MYBPC1: variants seen among roughly 807,000 people sequenced by gnomAD.
The protein encoded by MYBPC1 is myosin-binding protein C, slow-type.
MYBPC1 carries 52 observed loss-of-function variants against 147.1 expected under a neutral mutation model. The observed-to-expected ratio is 0.35, with a 90% confidence interval of 0.28 to 0.45. MYBPC1 has a LOEUF of 0.45. Ranked by LOEUF, MYBPC1 falls within the 20% of genes least tolerant of loss-of-function variation. MYBPC1 has a pLI of 1.00. For synonymous variants in MYBPC1, 477 were observed against 475.9 expected (o/e 1.00, Z -0.03); for missense variants, 1,228 against 1,440.3 (o/e 0.85, Z 2.39).
At chr12:101,611,214 T>C (rs1295557464) in intron 1 of MYBPC1, among the ~76,000 whole-genome samples, 1 of 152,244 alleles carries the variant, frequency 6.6e-6, no homozygotes, top group Admixed American at 6.5e-5. Flanking sequence ...TATCCTATAA[T>C]GTTTCTGCCA....
intron 9 of MYBPC1, among the ~76,000 whole-genome samples, chr12:101,634,966 C>T (rs529309479): frequency 7.9e-4 from 121 of 152,270 alleles, no homozygotes; most frequent in Non-Finnish European, 1.3e-3. Flanking sequence ...GGTTAAGTCA[C>T]GGCAGAAAAC....
chr12:101,661,961 G>A (rs575882928), intron 20 of MYBPC1, among the ~76,000 whole-genome samples: 3 of 150,380 alleles, frequency 2.0e-5, no homozygotes, highest in South Asian at 2.1e-4. Context: ...CTTCCCCTAT[G>A]CCATGAGAAT....
chr12:101,598,235 G>C (rs534586400), intron 1 of MYBPC1, among the ~76,000 whole-genome samples: 14 of 152,174 alleles, frequency 9.2e-5, no homozygotes, highest in African/African-American at 3.4e-4. Context: ...GGCCAGGCTG[G>C]TCTCGAACCG....
the MYBPC1 span, among the ~76,000 whole-genome samples, chr12:101,693,033 G>A: frequency 1.4e-5 from 2 of 142,528 alleles, no homozygotes; most frequent in Non-Finnish European, 3.0e-5. Flanking sequence ...TGCCACCTCC[G>A]CCTCCCAGGT....
chr12:101,661,136 T>A (rs762474123), intron 19 of MYBPC1, 22 bp from the exon 20 acceptor site: 1 of 1,539,918 alleles, frequency 6.5e-7, no homozygotes, highest in South Asian at 1.1e-5. Flanking sequence ...TTTTACTTTA[T>A]CCTATTTTTT....
At position 101,661,276 on chromosome 12, in the gene MYBPC1, G is replaced by A. The variant is rs758499697; in HGVS notation, c.2032+14G>A. 2 of 1,563,074 alleles carry A rather than the reference G, an allele frequency of 1.3e-6. No individual in the cohort carries two copies. Among genetic ancestry groups the A allele is most frequent in the Admixed American group, 1.7e-5 (1 of 59,718 alleles). On this transcript the variant is annotated intron_variant, in intron 20 of 31. Coordinates refer to ENST00000361466, the MANE Select transcript of MYBPC1 (RefSeq NM_002465.4). Reference sequence around the variant, plus strand: ...CTCCAATCCTAGGTAACTGCATGTTGGTTAGTCTGTGTAACTGCCAGTACA... The same window carrying A: ...CTCCAATCCTAGGTAACTGCATGTTAGTTAGTCTGTGTAACTGCCAGTACA...
At chr12:101,595,402 C>G (rs762342659) in intron 1 of MYBPC1, among the ~76,000 whole-genome samples, 7 of 152,018 alleles carry the variant, frequency 4.6e-5, no homozygotes, top group Non-Finnish European at 1.0e-4. Context: ...TGATGGTAAA[C>G]AGATTACGTT....
intron 1 of MYBPC1, 76 bp downstream of exon 1, chr12:101,595,171 A>G: frequency 1.1e-5 from 14 of 1,263,014 alleles, no homozygotes; most frequent in Non-Finnish European, 1.6e-5. Context: ...TCAAACAAAT[A>G]ACAAATATCT....
Position 101,614,479 on chromosome 12 carries a change from A to G in MYBPC1, c.26-17A>G, listed in dbSNP as rs1885336952. The G allele has an allele frequency of 6.2e-7, 1 of 1,613,560 alleles. No homozygotes were observed. Among genetic ancestry groups the G allele is most frequent in the Non-Finnish European group, 8.5e-7 (1 of 1,179,870 alleles). ...GATAAATGAGCCTGACATTTCCATG[A>G]CTCTTTCCATTTCTAGAAAATGAAG... On this transcript the variant is annotated splice_polypyrimidine_tract_variant and intron_variant, in intron 1 of 31. Transcript: ENST00000361466.
the MYBPC1 span, among the ~76,000 whole-genome samples, chr12:101,692,321 C>G: frequency 1.7e-4 from 26 of 152,232 alleles, no homozygotes; most frequent in East Asian, 4.2e-3. Flanking sequence ...TGGAATGGCA[C>G]AAAACCAACA....
chr12:101,651,741 G>A (rs2136299840), intron 16 of MYBPC1, among the ~76,000 whole-genome samples: 1 of 152,246 alleles, frequency 6.6e-6, no homozygotes, highest in South Asian at 2.1e-4. Flanking sequence ...AGGAGTTCAA[G>A]AGCTCCTGGG....
Position 101,642,543 on chromosome 12 carries a change from A to G in MYBPC1, c.790A>G (p.Lys264Glu). 2 of 1,612,960 alleles carry G rather than the reference A, an allele frequency of 1.2e-6. No individual in the cohort carries two copies. Among genetic ancestry groups the G allele is most frequent in the Non-Finnish European group, 1.7e-6 (2 of 1,179,440 alleles). ...AATCACCGACCTGCGCGGCATGCTCAAGCGACTCAAGCGCATGCGCAGAGA... is the reference window on the plus strand; with the variant it reads ...AATCACCGACCTGCGCGGCATGCTCGAGCGACTCAAGCGCATGCGCAGAGA... Reference protein sequence around the residue: ...YGITDLRGMLKRLKRMRREEK... With the variant: ...YGITDLRGMLERLKRMRREEK... The change falls in exon 11 of 32, where the codon AAG becomes GAG. Residue 264 changes from lysine to glutamate, a missense_variant. This residue lies in a region of MYBPC1 where 1,077 missense variants were observed against 1,314.2 expected (regional missense o/e 0.82). Transcript: ENST00000361466.
chr12:101,680,273 G>A (rs1307986627), intron 28 of MYBPC1, 70 bp from the exon 29 acceptor site: 1 of 1,443,754 alleles, frequency 6.9e-7, no homozygotes, highest in Admixed American at 1.9e-5. Context: ...TCTGTCACTG[G>A]CTTTGATGGT....
chr12:101,597,478 C>G (rs759987472), intron 1 of MYBPC1, among the ~76,000 whole-genome samples: 7 of 152,192 alleles, frequency 4.6e-5, no homozygotes, highest in African/African-American at 7.2e-5. Flanking sequence ...ATGTCTCACT[C>G]AACTACTTCC....
intron 3 of MYBPC1, among the ~76,000 whole-genome samples, chr12:101,624,870 A>C (rs1888234840): frequency 6.6e-6 from 1 of 151,918 alleles, no homozygotes; most frequent in Non-Finnish European, 1.5e-5. Context: ...TAAAATATGA[A>C]CTTTGTTCAC....
chr12:101,652,990 A>G, intron 17 of MYBPC1, 125 bp from the exon 18 acceptor site: 4 of 1,338,464 alleles, frequency 3.0e-6, no homozygotes, highest in Non-Finnish European at 4.2e-6. Context: ...AACTATCTTG[A>G]CTCCTCTTAT....
At chr12:101,615,680 C>A (rs1032545234) in intron 2 of MYBPC1, among the ~76,000 whole-genome samples, 12 of 118,390 alleles carry the variant, frequency 1.0e-4, no homozygotes, top group South Asian at 4.0e-4. Flanking sequence ...CCCGCCCCCC[C>A]ACACCAAGCA....
intron 26 of MYBPC1, among the ~76,000 whole-genome samples, chr12:101,676,536 C>T (rs1364330552): frequency 1.1e-4 from 17 of 152,128 alleles, no homozygotes; most frequent in Admixed American, 1.1e-3. Context: ...AGGAGGATTG[C>T]TTGAGCCCAG....
At chr12:101,665,877 C>T (rs1231192882) in intron 22 of MYBPC1, among the ~76,000 whole-genome samples, 1 of 152,182 alleles carries the variant, frequency 6.6e-6, no homozygotes, top group Non-Finnish European at 1.5e-5. Context: ...ATCTCTTTTT[C>T]AAAGACATAA....
Sources: gnomAD v4.1 joint callset for allele counts (sites outside exome capture counted in the v4.1 genomes callset) on GRCh38, gnomAD v4.1.1 for gene constraint, gnomAD v4.1.1 regional missense constraint, MANE v1.5 for transcripts, NCBI Gene and HGNC (gene_info 2026-07-23, HGNC 2026-07-21) for gene names.